Variants in NCKAP5 observed in about 807,000 individuals in gnomAD.
NCKAP5 encodes nck-associated protein 5.
NCKAP5 carries 92 observed loss-of-function variants against 167.0 expected under a neutral mutation model. The ratio of observed to expected loss-of-function variants is 0.55; its 90% CI spans 0.47 to 0.66. The LOEUF (loss-of-function observed/expected upper bound fraction) is 0.66, where lower values mean the gene tolerates loss of function less well. Among genes scored for constraint, NCKAP5 ranks in the 30% least tolerant of loss-of-function variants. The pLI is 0.00. For synonymous variants in NCKAP5, 891 were observed against 877.4 expected (o/e 1.02, Z -0.27); for missense variants, 2,378 against 2,315.0 (o/e 1.03, Z -0.56).
chr2:132,794,333 GA>G (rs1431918418), intron 12 of NCKAP5, among the ~76,000 whole-genome samples: 1 of 145,808 alleles, frequency 6.9e-6, no homozygotes, highest in Non-Finnish European at 1.5e-5. Flanking sequence ...GAGAGAAAGA[GA>G]GAGAGACAGA....
chr2:133,064,888 A>C (rs2080135311), intron 6 of NCKAP5, among the ~76,000 whole-genome samples: 1 of 152,234 alleles, frequency 6.6e-6, no homozygotes, highest in Non-Finnish European at 1.5e-5. Context: ...AGTTTATTAA[A>C]GTGAATGGAC....
chr2:132,782,832 G>C lies in NCKAP5; in HGVS notation c.3979C>G (p.Pro1327Ala), dbSNP rs1250047599. 8 of 1,613,808 alleles carry C rather than the reference G, an allele frequency of 5.0e-6. No individual in the cohort carries two copies. The highest frequency in any genetic ancestry group is 5.9e-6 in the Non-Finnish European group (7 of 1,179,882). ...AGACTCTCCAACATGGGAGCAGAAG[G>C]GGCCTTGTTGGGAGAGCTTTCCGTG... ...SSTESSPNKA[P>A]SAPMLESLPS... The change falls in exon 14 of 20, where the codon CCT becomes GCT. Residue 1327 changes from proline (P) to alanine (A), a missense_variant. By Grantham distance (27) the Pro-to-Ala change is conservative. This residue lies in a region of NCKAP5 where 1,325 missense variants were observed against 1,274.5 expected (regional missense o/e 1.04). Transcript: ENST00000409261.
chr2:132,782,112 C>G lies in NCKAP5; in HGVS notation c.4699G>C (p.Glu1567Gln). Reference sequence around the variant, plus strand: ...GCTGACTTGGTGTCCTTGATAAGCTCATTTTCTGTCTCACACTGTAGTTCA... The same window carrying G: ...GCTGACTTGGTGTCCTTGATAAGCTGATTTTCTGTCTCACACTGTAGTTCA... Reference protein sequence around the residue: ...KPELQCETENELIKDTKSADN... With the variant: ...KPELQCETENQLIKDTKSADN... Residue 1567 changes from glutamate (E) to glutamine (Q), a missense_variant, in exon 14 of 20, where the codon GAG becomes CAG. Around this residue, in one of 3 missense-constraint regions of NCKAP5, gnomAD observed 1,325 missense variants for 1,274.5 expected, o/e 1.04. Transcript: ENST00000409261. The G allele has an allele frequency of 1.2e-6, 2 of 1,614,044 alleles. No homozygotes were observed. The highest frequency in any genetic ancestry group is 1.7e-6 in the Non-Finnish European group (2 of 1,179,906).
intron 19 of NCKAP5, among the ~76,000 whole-genome samples, chr2:132,674,695 A>G (rs913338719): frequency 6.6e-6 from 1 of 152,208 alleles, no homozygotes; most frequent in Admixed American, 6.5e-5. Flanking sequence ...GAAAGAGAAG[A>G]GAGAGATGGA....
At chr2:133,080,306 T>C (rs991103545) in intron 6 of NCKAP5, among the ~76,000 whole-genome samples, 15 of 152,178 alleles carry the variant, frequency 9.9e-5, no homozygotes, top group African/African-American at 3.6e-4. Context: ...AGGGCAACTC[T>C]GGAATGATAT....
Position 132,738,550 on chromosome 2 carries a change from C to T in NCKAP5, c.5129-6499G>A, listed in dbSNP as rs534116380. ...ATGAGATTACTCATTATATGAACTT[C>T]TTAATGCATTTAGCCAGAAAAGTGA... On this transcript the variant is annotated intron_variant, in intron 16 of 19. Coordinates refer to ENST00000409261, the MANE Select transcript of NCKAP5 (RefSeq NM_207363.3). Among the ~76,000 whole-genome samples the T allele has an allele frequency of 2.0e-5, 3 of 152,330 alleles. No individual in the cohort carries two copies. The South Asian group carries it at 6.2e-4, about 32-fold the overall frequency.
At chr2:133,648,850 A>T in the NCKAP5 span, among the ~76,000 whole-genome samples, 1,934 of 114,474 alleles carry the variant, frequency 0.017, 29 homozygotes, top group Non-Finnish European at 0.028. Context: ...TAAGGGAATT[A>T]AAAAAAAAAA....
chr2:132,722,415 C>T (rs1573991604), intron 19 of NCKAP5, among the ~76,000 whole-genome samples: 1 of 152,156 alleles, frequency 6.6e-6, no homozygotes, highest in Non-Finnish European at 1.5e-5. Context: ...CTTGACATAC[C>T]TTCCTCACTT....
intron 5 of NCKAP5, among the ~76,000 whole-genome samples, chr2:133,131,974 A>C (rs1041616947): frequency 2.0e-5 from 3 of 152,014 alleles, no homozygotes; most frequent in Non-Finnish European, 2.9e-5. Flanking sequence ...GGCCAAAAAA[A>C]AAATGTACGC....
At chr2:133,320,615 C>G (rs1681974383) in intron 3 of NCKAP5, among the ~76,000 whole-genome samples, 3 of 152,050 alleles carry the variant, frequency 2.0e-5, no homozygotes, top group African/African-American at 4.8e-5. Context: ...GTAGTCCCAG[C>G]TACTCGGGAG....
chr2:133,290,826 T>G (rs1168691907), intron 4 of NCKAP5, among the ~76,000 whole-genome samples: 1 of 146,124 alleles, frequency 6.8e-6, no homozygotes, highest in Non-Finnish European at 1.5e-5. Flanking sequence ...GGAACAAAGC[T>G]CACTGCAGCC....
rs3050985 is a variant in NCKAP5 at position 133,567,657 on chromosome 2, CTGTGTGTGTGTG to C, written c.-130+547_-130+558del. Reference sequence around the variant, plus strand: ...TACACATTCCTGAGGATGAATGAGCCTGTGTGTGTGTGTGTGTGTGTGTGTGTGTGTGTGTGT... The same window carrying C: ...TACACATTCCTGAGGATGAATGAGCCTGTGTGTGTGTGTGTGTGTGTGTGT... On this transcript the variant is annotated intron_variant, in intron 1 of 19. Coordinates refer to ENST00000409261, the MANE Select transcript of NCKAP5 (RefSeq NM_207363.3). Among the ~76,000 whole-genome samples, 374 of 130,964 alleles carry C rather than the reference CTGTGTGTGTGTG, an allele frequency of 2.9e-3. 1 individual carries two copies. The highest frequency in any genetic ancestry group is 3.8e-3 in the Middle Eastern group (1 of 262). The allele number at this position is 130,964 out of a possible 152,430, so 85.9% of individuals were successfully genotyped here.
intron 2 of NCKAP5, among the ~76,000 whole-genome samples, chr2:133,547,401 C>T (rs1298009786): frequency 6.6e-6 from 1 of 151,380 alleles, no homozygotes; most frequent in East Asian, 1.9e-4. Context: ...CTGCCTGCCT[C>T]TGTAGGCTCC....
chr2:132,972,499 G>A (rs1317238819), intron 7 of NCKAP5, among the ~76,000 whole-genome samples: 1 of 152,116 alleles, frequency 6.6e-6, no homozygotes, highest in Non-Finnish European at 1.5e-5. Flanking sequence ...GCTGAGGCAG[G>A]TGGATCATGA....
the NCKAP5 span, among the ~76,000 whole-genome samples, chr2:133,622,560 CAAAAAG>C: frequency 8.6e-5 from 13 of 151,388 alleles, no homozygotes; most frequent in African/African-American, 2.9e-4. Flanking sequence ...AAAACAAAAA[CAAAAAG>C]AAAAACAAAA....
intron 4 of NCKAP5, among the ~76,000 whole-genome samples, chr2:133,262,461 C>T (rs1046703073): frequency 1.3e-5 from 2 of 152,206 alleles, no homozygotes; most frequent in African/African-American, 4.8e-5. Flanking sequence ...ACCTGGAAAT[C>T]TAGGTACCGA....
At chr2:132,845,598 C>A (rs1285696710) in intron 11 of NCKAP5, among the ~76,000 whole-genome samples, 1 of 152,062 alleles carries the variant, frequency 6.6e-6, no homozygotes, top group African/African-American at 2.4e-5. Flanking sequence ...TAAAAATGGG[C>A]CTTTTAGACT....
chr2:132,672,906 G>A lies in NCKAP5; in HGVS notation c.*383C>T. The A allele has an allele frequency of 1.0e-6, 1 of 958,160 alleles. No homozygotes were observed. The highest frequency in any genetic ancestry group is 1.2e-6 in the Non-Finnish European group (1 of 803,830). 59.4% of individuals were successfully genotyped at this position (958,160 alleles called of 1,614,324 possible). A position where few individuals can be genotyped will look rare whatever the true frequency, so the allele number is the denominator to read the frequency against. On this transcript the variant is annotated 3_prime_UTR_variant, in exon 20 of 20. Coordinates refer to ENST00000409261, the MANE Select transcript of NCKAP5 (RefSeq NM_207363.3). Reference sequence around the variant, plus strand: ...GGGTTGCCTGCTGTGAATTTGACAAGGAAGGCTCTGGTACTGCAATAGTTT... The same window carrying A: ...GGGTTGCCTGCTGTGAATTTGACAAAGAAGGCTCTGGTACTGCAATAGTTT...
chr2:133,200,816 G>A (rs1166381151), intron 5 of NCKAP5, among the ~76,000 whole-genome samples: 5 of 152,074 alleles, frequency 3.3e-5, no homozygotes, highest in Non-Finnish European at 5.9e-5. Flanking sequence ...CTGTCAAAAG[G>A]AACGTGGATA....
Sources: gnomAD v4.1 joint callset for allele counts (sites outside exome capture counted in the v4.1 genomes callset) on GRCh38, gnomAD v4.1.1 for gene constraint, gnomAD v4.1.1 regional missense constraint, MANE v1.5 for transcripts, NCBI Gene and HGNC (gene_info 2026-07-23, HGNC 2026-07-21) for gene names.